Variants in GNA14 observed in about 807,000 individuals in gnomAD.
GNA14 encodes guanine nucleotide-binding protein subunit alpha-14.
Under a neutral mutation model 42.0 loss-of-function variants are expected in GNA14, and 50 were observed. The ratio of observed to expected loss-of-function variants is 1.19; its 90% confidence interval spans 0.95 to 1.51. The LOEUF (loss-of-function observed/expected upper bound fraction) is 1.51. Among genes scored for constraint, GNA14 ranks in the 40% most tolerant of loss-of-function variants. GNA14 has a pLI of 0.00. For synonymous variants in GNA14, 173 were observed against 163.1 expected, an observed-to-expected ratio of 1.06 and a Z score of -0.46; for missense variants, 473 against 446.2, an observed-to-expected ratio of 1.06 and a Z score of -0.54.
chr9:77,495,326 C>A (rs1836853566), intron 2 of GNA14, among the ~76,000 whole-genome samples: 1 of 151,268 alleles, frequency 6.6e-6, no homozygotes, highest in Non-Finnish European at 1.5e-5. Flanking sequence ...ATGAATTTTT[C>A]TCATCTACCT....
intron 2 of GNA14, among the ~76,000 whole-genome samples, chr9:77,504,549 AGAG>A (rs1263887801): frequency 4.6e-5 from 2 of 43,524 alleles, no homozygotes; most frequent in African/African-American, 2.3e-4. Context: ...AAAAAAAAAA[AGAG>A]AGAGAGAGAG....
chr9:77,575,801 A>G (rs1282028450), intron 1 of GNA14, among the ~76,000 whole-genome samples: 2 of 152,244 alleles, frequency 1.3e-5, no homozygotes, highest in Non-Finnish European at 2.9e-5. Context: ...TTCTGATTTA[A>G]TTGATTGAGT....
At position 77,431,440 on chromosome 9, in the gene GNA14, A is replaced by C; in HGVS notation, c.474T>G (p.Thr158=). The C allele has an allele frequency of 6.2e-7, 1 of 1,613,084 alleles. No homozygotes were observed. The highest frequency in any genetic ancestry group is 8.5e-7 in the Non-Finnish European group (1 of 1,179,292). The change falls in exon 4 of 7, where the codon ACT becomes ACG. Residue 158 remains threonine, a synonymous_variant. Transcript: ENST00000341700. The part of the protein sequence containing the change: ...QLSDSAKYYL[T]DIDRIATPSF... ...ATGGTGTGGCGATGCGGTCAATGTC[A>C]GTCAGGTAACTGTATATTAGAGAAC...
intron 3 of GNA14, chr9:77,431,787 A>G: frequency 4.6e-6 from 1 of 217,764 alleles, no homozygotes; most frequent in Non-Finnish European, 9.1e-6. Context: ...GGCTCTCTCC[A>G]ACACCCCATC....
chr9:77,469,026 A>G (rs1836282759), intron 2 of GNA14, among the ~76,000 whole-genome samples: 3 of 152,168 alleles, frequency 2.0e-5, no homozygotes, highest in African/African-American at 7.2e-5. Context: ...TGTGTATAAG[A>G]TCTACATTCC....
chr9:77,437,116 C>T (rs947105494), intron 2 of GNA14, among the ~76,000 whole-genome samples: 5 of 152,210 alleles, frequency 3.3e-5, no homozygotes, highest in South Asian at 2.1e-4. Flanking sequence ...ATCAGGTTAA[C>T]GGCTGAGCTT....
At chr9:77,526,076 ATTTTTT>A (rs34362442) in intron 2 of GNA14, among the ~76,000 whole-genome samples, 1 of 125,146 alleles carries the variant, frequency 8.0e-6, no homozygotes, top group African/African-American at 3.0e-5. Flanking sequence ...TAATTTTTGT[ATTTTTT>A]TTTTTTTTTT....
At chr9:77,550,979 T>C (rs1483301668) in intron 1 of GNA14, among the ~76,000 whole-genome samples, 1 of 152,198 alleles carries the variant, frequency 6.6e-6, no homozygotes. Flanking sequence ...GAATTGAAAA[T>C]ACAACTCTGA....
chr9:77,460,200 T>G (rs374617511), intron 2 of GNA14, among the ~76,000 whole-genome samples: 1 of 152,092 alleles, frequency 6.6e-6, no homozygotes, highest in Non-Finnish European at 1.5e-5. Context: ...TGAGGTCACG[T>G]TGGATTAGGA....
intron 2 of GNA14, among the ~76,000 whole-genome samples, chr9:77,498,202 C>T (rs954210714): frequency 6.6e-6 from 1 of 151,768 alleles, no homozygotes. Context: ...GGAGAAACTC[C>T]GCCTCTGCTA....
At chr9:77,436,864 C>T (rs2131694034) in intron 2 of GNA14, among the ~76,000 whole-genome samples, 1 of 152,260 alleles carries the variant, frequency 6.6e-6, no homozygotes, top group Middle Eastern at 3.4e-3. Flanking sequence ...AATCCACCTA[C>T]CTAACAAGAC....
At position 77,625,296 on chromosome 9, in the gene GNA14, A is replaced by T. The variant is rs557972049; in HGVS notation, c.124+22374T>A. On this transcript the variant is annotated intron_variant, in intron 1 of 6. Transcript: ENST00000341700. Reference sequence around the variant, plus strand: ...ATTGGTGTACCTAAAAGTGACGGGGAGAATGGAACCAAATTGGAAAACAGT... The same window carrying T: ...ATTGGTGTACCTAAAAGTGACGGGGTGAATGGAACCAAATTGGAAAACAGT... 1.2e-4 allele frequency among the ~76,000 whole-genome samples: 18 copies of T among 152,288 alleles called. No individual in the cohort carries two copies. In the South Asian group the frequency reaches 3.5e-3, roughly 30 times the overall value.
At chr9:77,612,282 C>T (rs1823747108) in intron 1 of GNA14, among the ~76,000 whole-genome samples, 1 of 152,116 alleles carries the variant, frequency 6.6e-6, no homozygotes, top group Admixed American at 6.5e-5. Context: ...ACTCAAAGAA[C>T]TAAAATCAAA....
At chr9:77,452,751 C>T (rs78050867) in intron 2 of GNA14, among the ~76,000 whole-genome samples, 3,690 of 150,456 alleles carry the variant, frequency 0.025, 149 homozygotes, top group African/African-American at 0.085. Flanking sequence ...ACTCTCATCC[C>T]CAACGTGGAG....
At chr9:77,483,312 AG>A (rs1836595982) in intron 2 of GNA14, among the ~76,000 whole-genome samples, 1 of 152,154 alleles carries the variant, frequency 6.6e-6, no homozygotes, top group Admixed American at 6.5e-5. Flanking sequence ...AGTTTGTTAG[AG>A]GTCCACTCCA....
intron 1 of GNA14, among the ~76,000 whole-genome samples, chr9:77,587,141 A>C (rs1165385820): frequency 1.3e-5 from 2 of 152,138 alleles, no homozygotes; most frequent in African/African-American, 4.8e-5. Context: ...AAAAGAAAAG[A>C]ACAAGTGTTG....
chr9:77,567,729 T>G (rs1183801922), intron 1 of GNA14, among the ~76,000 whole-genome samples: 2 of 152,046 alleles, frequency 1.3e-5, no homozygotes, highest in Admixed American at 1.3e-4. Context: ...TAGCCAGGCG[T>G]GGTGGTGCAC....
intron 1 of GNA14, among the ~76,000 whole-genome samples, chr9:77,602,708 T>G (rs944822212): frequency 2.0e-5 from 3 of 149,514 alleles, no homozygotes; most frequent in African/African-American, 4.9e-5. Context: ...AATGGTTTTG[T>G]TTTTTTTTTC....
intron 2 of GNA14, among the ~76,000 whole-genome samples, chr9:77,439,758 T>C (rs772775504): frequency 1.3e-5 from 2 of 152,234 alleles, no homozygotes; most frequent in Non-Finnish European, 2.9e-5. Context: ...AAACAACCTC[T>C]ATGGCACCTG....
Sources: allele counts gnomAD v4.1 joint callset (sites outside exome capture counted in the v4.1 genomes callset), GRCh38; gene constraint gnomAD v4.1.1; transcripts MANE v1.5; gene names NCBI Gene and HGNC (gene_info 2026-07-23, HGNC 2026-07-21).